Variants in RIMS2 observed in about 807,000 individuals in gnomAD.
The protein encoded by RIMS2 is regulating synaptic membrane exocytosis 2.
A neutral mutation model predicts 174.4 loss-of-function variants in RIMS2; 59 were observed. That is an observed-to-expected ratio of 0.34 (90% CI 0.27 to 0.42). The LOEUF (loss-of-function observed/expected upper bound fraction) is 0.42, where lower values mean the gene tolerates loss of function less well. Ranked by LOEUF, RIMS2 falls within the 10% of genes least tolerant of loss-of-function variation. RIMS2 has a pLI of 1.00. For missense variants in RIMS2, 1,620 were observed against 1,666.3 expected (o/e 0.97, Z 0.48); for synonymous variants, 606 against 572.5 (o/e 1.06, Z -0.84).
At chr8:103,629,894 A>G (rs528839835) in intron 1 of RIMS2, among the ~76,000 whole-genome samples, 2 of 152,126 alleles carry the variant, frequency 1.3e-5, no homozygotes, top group South Asian at 2.1e-4. Flanking sequence ...ACCATCTTGG[A>G]TACTCTGGCA....
chr8:104,184,754 A>T (rs2098959319), intron 19 of RIMS2, among the ~76,000 whole-genome samples: 1 of 151,576 alleles, frequency 6.6e-6, no homozygotes, highest in South Asian at 2.1e-4. Flanking sequence ...CTTCCTAGAA[A>T]TCCTTAGTAA....
At chr8:104,173,510 GATC>G (rs1287763610) in intron 19 of RIMS2, among the ~76,000 whole-genome samples, 1 of 148,628 alleles carries the variant, frequency 6.7e-6, no homozygotes, top group Non-Finnish European at 1.5e-5. Flanking sequence ...CTATGGTTTT[GATC>G]ATGAGAGTTT....
At chr8:103,999,635 T>C (rs1156673984) in intron 17 of RIMS2, among the ~76,000 whole-genome samples, 1 of 151,796 alleles carries the variant, frequency 6.6e-6, no homozygotes, top group African/African-American at 2.4e-5. Context: ...TTACTGATTA[T>C]AGACTTACTG....
At chr8:103,694,089 A>G (rs1225681507) in intron 1 of RIMS2, among the ~76,000 whole-genome samples, 1 of 152,092 alleles carries the variant, frequency 6.6e-6, no homozygotes, top group Non-Finnish European at 1.5e-5. Flanking sequence ...ACTGGGTTCT[A>G]CTGTCACACT....
At chr8:103,575,069 A>G (rs2093113813) in intron 1 of RIMS2, among the ~76,000 whole-genome samples, 1 of 152,230 alleles carries the variant, frequency 6.6e-6, no homozygotes, top group African/African-American at 2.4e-5. Flanking sequence ...ACTCATATCC[A>G]GAATATATAA....
chr8:103,747,028 T>C (rs2097827268), intron 2 of RIMS2, among the ~76,000 whole-genome samples: 1 of 151,970 alleles, frequency 6.6e-6, no homozygotes, highest in African/African-American at 2.4e-5. Flanking sequence ...CTAAGGATAA[T>C]GGCCTCCAAC....
chr8:104,189,702 AG>A (rs2098988097), intron 19 of RIMS2, among the ~76,000 whole-genome samples: 1 of 151,224 alleles, frequency 6.6e-6, no homozygotes, highest in African/African-American at 2.4e-5. Context: ...AATTATACAT[AG>A]TTTCCACAAA....
intron 19 of RIMS2, among the ~76,000 whole-genome samples, chr8:104,062,369 A>T (rs1190853752): frequency 6.6e-6 from 1 of 152,136 alleles, no homozygotes; most frequent in Non-Finnish European, 1.5e-5. Flanking sequence ...GCACCACTTC[A>T]CTCCAGCCAG....
In RIMS2 at chr8:104,120,281, G is replaced by A. The variant is rs550495844; in HGVS notation, c.3334+105666G>A. Among the ~76,000 whole-genome samples, 18 of 152,206 alleles carry A rather than the reference G, an allele frequency of 1.2e-4. No homozygotes were observed. In the South Asian group the frequency reaches 3.7e-3, roughly 32 times the overall value. ...GAGCTAGATCATAATTTGTAACATA[G>A]AAAAGTGAATACTTAATGCTTTTTA... On this transcript the variant is annotated intron_variant, in intron 19 of 23. Transcript: ENST00000504942.
At chr8:103,718,981 T>G (rs2097410289) in intron 2 of RIMS2, among the ~76,000 whole-genome samples, 1 of 152,132 alleles carries the variant, frequency 6.6e-6, no homozygotes, top group African/African-American at 2.4e-5. Flanking sequence ...CCTTCCCTCT[T>G]GCAATCCCCA....
intron 13 of RIMS2, among the ~76,000 whole-genome samples, chr8:103,941,445 C>T (rs1419978237): frequency 6.6e-6 from 1 of 152,000 alleles, no homozygotes; most frequent in Non-Finnish European, 1.5e-5. Flanking sequence ...TGTGATTGCA[C>T]CCCTGCACTC....
intron 2 of RIMS2, among the ~76,000 whole-genome samples, chr8:103,714,939 T>A (rs1394709403): frequency 6.6e-6 from 1 of 152,166 alleles, no homozygotes; most frequent in Non-Finnish European, 1.5e-5. Flanking sequence ...AATTTTAACA[T>A]GTAATTATAT....
At chr8:104,096,049 A>C (rs1295983103) in intron 19 of RIMS2, among the ~76,000 whole-genome samples, 2 of 152,124 alleles carry the variant, frequency 1.3e-5, no homozygotes, top group Admixed American at 6.5e-5. Context: ...TTGGTATTTA[A>C]CTTTTGATAA....
intron 19 of RIMS2, among the ~76,000 whole-genome samples, chr8:104,159,787 G>T (rs532935677): frequency 6.6e-6 from 1 of 152,226 alleles, no homozygotes; most frequent in East Asian, 1.9e-4. Flanking sequence ...GGGGGTTTTT[G>T]TTGAGTTAAA....
At chr8:104,113,729 T>C (rs961811095) in intron 19 of RIMS2, among the ~76,000 whole-genome samples, 5 of 151,792 alleles carry the variant, frequency 3.3e-5, no homozygotes, top group Non-Finnish European at 7.4e-5. Flanking sequence ...GTTCTACTTT[T>C]ATTAGTATAA....
chr8:103,544,506 C>A (rs1844054386), intron 1 of RIMS2, among the ~76,000 whole-genome samples: 3 of 152,156 alleles, frequency 2.0e-5, no homozygotes, highest in South Asian at 2.1e-4. Context: ...TCCTATTGCG[C>A]TAGAGACACC....
intron 1 of RIMS2, among the ~76,000 whole-genome samples, chr8:103,656,867 C>T (rs1167498818): frequency 6.6e-6 from 1 of 152,118 alleles, no homozygotes; most frequent in Non-Finnish European, 1.5e-5. Flanking sequence ...TCTTGCGGTC[C>T]TAGCCTTAGG....
chr8:103,712,825 A>G (rs2097323395), intron 2 of RIMS2, among the ~76,000 whole-genome samples: 2 of 152,208 alleles, frequency 1.3e-5, no homozygotes, highest in Admixed American at 1.3e-4. Flanking sequence ...AACTTTACCC[A>G]ATTTCTTTTC....
At chr8:103,690,764 T>C (rs573404093) in intron 1 of RIMS2, among the ~76,000 whole-genome samples, 1 of 152,330 alleles carries the variant, frequency 6.6e-6, no homozygotes, top group South Asian at 2.1e-4. Context: ...TGTTATAATA[T>C]TTTGTGTTTT....
Sources: allele counts gnomAD v4.1 joint callset (sites outside exome capture counted in the v4.1 genomes callset), GRCh38; gene constraint gnomAD v4.1.1; transcripts MANE v1.5; gene names NCBI Gene and HGNC (gene_info 2026-07-23, HGNC 2026-07-21).